The following SSBP2 variants were observed in gnomAD, a reference collection of about 807,000 sequenced individuals.
SSBP2 encodes the protein single stranded DNA binding protein 2.
In SSBP2, 17 loss-of-function variants were observed where a neutral mutation model predicts 61.8. The ratio of observed to expected loss-of-function variants is 0.28; its 90% confidence interval spans 0.19 to 0.41. The LOEUF (loss-of-function observed/expected upper bound fraction) is 0.41, where lower values mean the gene tolerates loss of function less well. Ranked by LOEUF, SSBP2 falls within the 10% of genes least tolerant of loss-of-function variation. SSBP2 has a pLI of 1.00. For synonymous variants in SSBP2, 139 were observed against 141.3 expected (o/e 0.98, Z 0.12); for missense variants, 310 against 458.7 (o/e 0.68, Z 2.96).
chr5:81,466,954 T>C lies in SSBP2; in HGVS notation c.638+20A>G, dbSNP rs1427891013. On this transcript the variant is annotated intron_variant, in intron 9 of 16. Coordinates refer to ENST00000320672, the MANE Select transcript of SSBP2 (RefSeq NM_012446.5). ...ATATCATCCACGTAATAATGTAGTA[T>C]ATGATATAACATTGCTTACATGTTC... 2.7e-6 allele frequency: 4 copies of C among 1,459,742 alleles called. No individual in the cohort carries two copies. Among genetic ancestry groups the C allele is most frequent in the African/African-American group, 2.8e-5 (2 of 71,692 alleles). The allele number at this position is 1,459,742 out of a possible 1,614,324, so 90.4% of individuals were successfully genotyped here.
At chr5:81,563,273 C>T (rs529371830) in intron 4 of SSBP2, among the ~76,000 whole-genome samples, 2 of 152,180 alleles carry the variant, frequency 1.3e-5, no homozygotes, top group East Asian at 3.9e-4. Flanking sequence ...TTTCAATAAA[C>T]AGTGCTGGAA....
intron 5 of SSBP2, among the ~76,000 whole-genome samples, chr5:81,498,243 G>A (rs1767438898): frequency 6.6e-6 from 1 of 151,996 alleles, no homozygotes; most frequent in South Asian, 2.1e-4. Flanking sequence ...TTGCCAAAAA[G>A]TAATTTTCTT....
chr5:81,707,240 G>A (rs1271416892), intron 1 of SSBP2, among the ~76,000 whole-genome samples: 1 of 152,046 alleles, frequency 6.6e-6, no homozygotes, highest in East Asian at 1.9e-4. Flanking sequence ...GTAAAATTGT[G>A]TGTTCCTGCC....
chr5:81,541,760 A>G (rs1484229318), intron 4 of SSBP2, among the ~76,000 whole-genome samples: 1 of 152,236 alleles, frequency 6.6e-6, no homozygotes, highest in Non-Finnish European at 1.5e-5. Context: ...CACCATATAC[A>G]AAAAATAACT....
chr5:81,656,012 T>A (rs114329028), intron 1 of SSBP2, among the ~76,000 whole-genome samples: 2,480 of 152,258 alleles, frequency 0.016, 53 homozygotes, highest in African/African-American at 0.056. Context: ...GGGTTTTTTT[T>A]ATTTAAAAAT....
At chr5:81,481,237 T>G (rs1244943792) in intron 6 of SSBP2, among the ~76,000 whole-genome samples, 1 of 152,178 alleles carries the variant, frequency 6.6e-6, no homozygotes, top group African/African-American at 2.4e-5. Context: ...AATGGTGAAT[T>G]ATTTCCAGAA....
chr5:81,471,170 A>G (rs1191171977), intron 8 of SSBP2, among the ~76,000 whole-genome samples: 2 of 151,834 alleles, frequency 1.3e-5, no homozygotes, highest in Non-Finnish European at 3.0e-5. Flanking sequence ...TGCCAATCCA[A>G]ATGAAATAAA....
intron 10 of SSBP2, among the ~76,000 whole-genome samples, chr5:81,459,418 T>C (rs1027760769): frequency 2.6e-5 from 4 of 152,118 alleles, no homozygotes; most frequent in African/African-American, 9.7e-5. Flanking sequence ...AAGGTACTTA[T>C]AAAGGTGGGT....
At chr5:81,734,014 T>C (rs1756436061) in intron 1 of SSBP2, among the ~76,000 whole-genome samples, 1 of 152,146 alleles carries the variant, frequency 6.6e-6, no homozygotes, top group South Asian at 2.1e-4. Flanking sequence ...AATATGCAAG[T>C]TGTACCACAA....
At chr5:81,568,689 A>G (rs1773621814) in intron 4 of SSBP2, among the ~76,000 whole-genome samples, 1 of 152,230 alleles carries the variant, frequency 6.6e-6, no homozygotes, top group South Asian at 2.1e-4. Context: ...AAGTTTTTAC[A>G]AAGTGAGCCA....
At chr5:81,716,398 T>A (rs950552923) in intron 1 of SSBP2, among the ~76,000 whole-genome samples, 1 of 152,174 alleles carries the variant, frequency 6.6e-6, no homozygotes, top group Non-Finnish European at 1.5e-5. Flanking sequence ...AATCAAAATT[T>A]AAAAAATTTC....
intron 4 of SSBP2, among the ~76,000 whole-genome samples, chr5:81,531,231 A>G (rs1477275201): frequency 6.7e-6 from 1 of 148,786 alleles, no homozygotes; most frequent in South Asian, 2.1e-4. Flanking sequence ...CCTGTCTGGA[A>G]AAAAAAAAAA....
At chr5:81,478,712 C>A (rs1765764375) in intron 6 of SSBP2, among the ~76,000 whole-genome samples, 1 of 152,144 alleles carries the variant, frequency 6.6e-6, no homozygotes. Flanking sequence ...CTCAAGTGAT[C>A]CTCCTGCCTT....
intron 4 of SSBP2, among the ~76,000 whole-genome samples, chr5:81,539,157 T>C (rs1471598641): frequency 6.6e-6 from 1 of 152,200 alleles, no homozygotes; most frequent in Non-Finnish European, 1.5e-5. Context: ...TAACATAAAC[T>C]AGAGTTTGGA....
At chr5:81,534,449 G>T (rs1339814054) in intron 4 of SSBP2, among the ~76,000 whole-genome samples, 1 of 152,040 alleles carries the variant, frequency 6.6e-6, no homozygotes, top group African/African-American at 2.4e-5. Flanking sequence ...AATATGCAAA[G>T]AACTCTAATG....
intron 4 of SSBP2, among the ~76,000 whole-genome samples, chr5:81,561,133 A>G (rs987340431): frequency 2.0e-5 from 3 of 152,192 alleles, no homozygotes; most frequent in African/African-American, 4.8e-5. Context: ...AGAGTAAACT[A>G]TCACAAAAAA....
intron 1 of SSBP2, among the ~76,000 whole-genome samples, chr5:81,718,355 G>A (rs1449128853): frequency 6.6e-6 from 1 of 151,990 alleles, no homozygotes; most frequent in Non-Finnish European, 1.5e-5. Flanking sequence ...AAACCCATTC[G>A]AATGCTGAGA....
At chr5:81,521,767 A>C (rs1446769653) in intron 4 of SSBP2, among the ~76,000 whole-genome samples, 1 of 151,944 alleles carries the variant, frequency 6.6e-6, no homozygotes, top group Non-Finnish European at 1.5e-5. Context: ...GTAATGTTGG[A>C]AAGTTGGGGA....
At chr5:81,504,788 T>C (rs1278453427) in intron 5 of SSBP2, among the ~76,000 whole-genome samples, 1 of 152,246 alleles carries the variant, frequency 6.6e-6, no homozygotes, top group Non-Finnish European at 1.5e-5. Context: ...ATTTATCTTG[T>C]TCACTGTAGT....
Sources: allele counts gnomAD v4.1 joint callset (sites outside exome capture counted in the v4.1 genomes callset), GRCh38; gene constraint gnomAD v4.1.1; transcripts MANE v1.5; gene names NCBI Gene and HGNC (gene_info 2026-07-23, HGNC 2026-07-21).